The following MUCL3 variants were observed in gnomAD, a reference collection of about 807,000 sequenced individuals.
MUCL3 encodes mucin-like protein 3.
In MUCL3, 42 loss-of-function variants were observed where a neutral mutation model predicts 70.2. That is an observed-to-expected ratio of 0.60 (90% CI 0.47 to 0.77). MUCL3 has a LOEUF of 0.77. Among genes scored for constraint, MUCL3 ranks in the 30% least tolerant of loss-of-function variants. The probability of loss-of-function intolerance (pLI) is 0.00; values close to 1 mark genes in which losing one functional copy is unlikely to be tolerated. For missense variants in MUCL3, 1,429 were observed against 1,670.0 expected (o/e 0.86, Z 2.52); for synonymous variants, 522 against 647.0 (o/e 0.81, Z 2.93).
Position 30,952,407 on chromosome 6 carries a change from G to A in MUCL3, c.3943G>A (p.Gly1315Arg), listed in dbSNP as rs753273980. The A allele has an allele frequency of 2.5e-6, 4 of 1,614,064 alleles. No individual in the cohort carries two copies. The highest frequency in any genetic ancestry group is 3.4e-6 in the Non-Finnish European group (4 of 1,179,970). Residue 1315 changes from glycine (G) to arginine (R), a missense_variant, in exon 2 of 3, where the codon GGA (glycine) becomes AGA (arginine). By Grantham distance (125) the Gly-to-Arg change is moderately radical. Transcript: ENST00000462446. ...SQKGIHAGQMGENDSFPAWAI... is the reference protein window; with the variant it reads ...SQKGIHAGQMRENDSFPAWAI... ...GAAAGGTATCCACGCTGGACAGATG[G>A]GAGAGAATGATTCATTCCCTGCATG...
intron 2 of MUCL3, 91 bp downstream of exon 2, chr6:30,952,590 T>C (rs1760767054): frequency 7.2e-7 from 1 of 1,382,888 alleles, no homozygotes; most frequent in East Asian, 2.3e-5. Flanking sequence ...ATAATGAGTC[T>C]AGGAAAAGAG....
chr6:30,951,364 C>T lies in MUCL3; in HGVS notation c.2900C>T (p.Thr967Met), dbSNP rs11969476. The change falls in exon 2 of 3, where the codon ACG (threonine) becomes ATG (methionine). Residue 967 changes from threonine to methionine, a missense_variant. Physicochemically the swap from Thr to Met is moderately conservative, Grantham distance 81. Transcript: ENST00000462446. Reference protein sequence around the residue: ...SPAKPTEHGETTVNEDTTPSS... With the variant: ...SPAKPTEHGEMTVNEDTTPSS... ...GCAAAGCCTACAGAACATGGAGAAA[C>T]GACAGTCAATGAGGACACCACACCA... The T allele has an allele frequency of 7.8e-3, 11,905 of 1,534,764 alleles. 175 individuals are homozygous for T. Among genetic ancestry groups the T allele is most frequent in the African/African-American group, 0.067 (4,505 of 67,274 alleles).
chr6:30,946,829 T>G (rs971231649), intron 1 of MUCL3, among the ~76,000 whole-genome samples: 7 of 152,160 alleles, frequency 4.6e-5, no homozygotes, highest in African/African-American at 1.7e-4. Flanking sequence ...GAAGATTACT[T>G]AACCACTCAG....
Position 30,953,113 on chromosome 6 carries a change from G to T in MUCL3, c.4178G>T (p.Arg1393Leu). 1 of 1,613,836 alleles carries T rather than the reference G, an allele frequency of 6.2e-7. No homozygotes were observed. Among genetic ancestry groups the T allele is most frequent in the African/African-American group, 1.3e-5 (1 of 75,038 alleles). ...GGCATGGGCCAGATCCCTTCCCCAC[G>T]GTGATCTTGGAGTAGGCGCCCAGCC... ...NLGMGQIPSPR is the reference protein window; with the variant it reads ...NLGMGQIPSPL The change falls in exon 3 of 3, where the codon CGG becomes CTG. Residue 1393 changes from arginine (R) to leucine (L), a missense_variant. By Grantham distance (102) the Arg-to-Leu change is moderately radical. Coordinates refer to ENST00000462446, the MANE Select transcript of MUCL3 (RefSeq NM_080870.4).
rs372851947 is a variant in MUCL3, at chr6:30,951,429, C to T, written c.2965C>T (p.Leu989=). The stretch of plus-strand genomic sequence containing the variant: ...TACAGAAAATGGAGAAAGGACCCCA[C>T]TGGCCAATGAGAACACCACAACATC... ...EPTENGERTP[L]ANENTTTSPT... Residue 989 remains leucine (L), a synonymous_variant, in exon 2 of 3, where the codon CTG becomes TTG. Coordinates refer to ENST00000462446, the MANE Select transcript of MUCL3 (RefSeq NM_080870.4). 1.2e-4 allele frequency: 182 copies of T among 1,545,988 alleles called. No homozygotes were observed. The highest frequency in any genetic ancestry group is 1.5e-4 in the Non-Finnish European group (169 of 1,146,008).
intron 1 of MUCL3, 92 bp downstream of exon 1, chr6:30,941,173 C>G: frequency 6.9e-7 from 1 of 1,439,834 alleles, no homozygotes; most frequent in South Asian, 1.3e-5. Flanking sequence ...ATGAAGGGGG[C>G]GGGCACGGGG....
Position 30,951,145 on chromosome 6 carries a change from C to A in MUCL3, c.2681C>A (p.Thr894Lys). ...EMTPLANEKT[T>K]LSPAEPTENG... is the part of the protein sequence containing the mutation. ...ACCCCATTGGCCAATGAGAAGACCA[C>A]ACTATCCCCAGCAGAGCCTACAGAA... is the stretch of plus-strand genomic sequence containing the variant. The change falls in exon 2 of 3, where the codon ACA becomes AAA. Residue 894 changes from threonine to lysine, a missense_variant. Transcript: ENST00000462446. 1.3e-6 allele frequency: 2 copies of A among 1,551,558 alleles called. No homozygotes were observed. The highest frequency in any genetic ancestry group is 1.7e-6 in the Non-Finnish European group (2 of 1,146,994).
chr6:30,950,045 A>T lies in MUCL3; in HGVS notation c.1581A>T (p.Pro527=). 1 of 1,541,490 alleles carries T rather than the reference A, an allele frequency of 6.5e-7. No homozygotes were observed. The highest frequency in any genetic ancestry group is 8.7e-7 in the Non-Finnish European group (1 of 1,143,630). Residue 527 remains proline (P), a synonymous_variant, in exon 2 of 3, where the codon CCA becomes CCT. Transcript: ENST00000462446. ...AEPTEHGERT[P]LANENTTPSP... ...CTACAGAACACGGAGAAAGGACCCC[A>T]CTGGCCAATGAGAACACCACACCAT...
In MUCL3 at chr6:30,948,793, G is replaced by A. The variant is rs889272507; in HGVS notation, c.329G>A (p.Ser110Asn). 2 of 1,551,458 alleles carry A rather than the reference G, an allele frequency of 1.3e-6. No individual in the cohort carries two copies. Residue 110 changes from serine (S) to asparagine (N), a missense_variant, in exon 2 of 3, where the codon AGC (serine) becomes AAC (asparagine). Transcript: ENST00000462446. ...TGNSKTIDHK[S>N]STDNHEAPPT... is the part of the protein sequence containing the mutation. ...AACTCCAAAACTATAGACCACAAAAGCTCTACAGATAATCATGAGGCTCCT... is the reference window on the plus strand; with the variant it reads ...AACTCCAAAACTATAGACCACAAAAACTCTACAGATAATCATGAGGCTCCT...
Position 30,950,960 on chromosome 6 carries a change from G to C in MUCL3, c.2496G>C (p.Glu832Asp). The C allele has an allele frequency of 6.5e-7, 1 of 1,547,064 alleles. No individual in the cohort carries two copies. Among genetic ancestry groups the C allele is most frequent in the Non-Finnish European group, 8.7e-7 (1 of 1,146,330 alleles). ...AAAATAGAGAAAGGACAGCCAATGA[G>C]AAGACCACACAATTCCCAGCAGAGC... ...PTENRERTAN[E>D]KTTQFPAEPT... Residue 832 changes from glutamate (E) to aspartate (D), a missense_variant, in exon 2 of 3, where the codon GAG becomes GAC. Glu to Asp is a conservative substitution (Grantham distance 45). Coordinates refer to ENST00000462446, the MANE Select transcript of MUCL3 (RefSeq NM_080870.4).
chr6:30,949,960 C>G lies in MUCL3; in HGVS notation c.1496C>G (p.Thr499Arg), dbSNP rs1475434601. 2.6e-6 allele frequency: 4 copies of G among 1,550,786 alleles called. No homozygotes were observed. Among genetic ancestry groups the G allele is most frequent in the Non-Finnish European group, 3.5e-6 (4 of 1,146,882 alleles). Reference protein sequence around the residue: ...EKTTPSPAEPTENGQRTPFAN... With the variant: ...EKTTPSPAEPRENGQRTPFAN... ...ACCACACCATCCCCAGCAGAGCCTA[C>G]AGAAAATGGACAAAGGACCCCATTT... Residue 499 changes from threonine (T) to arginine (R), a missense_variant, in exon 2 of 3, where the codon ACA (threonine) becomes AGA (arginine). Coordinates refer to ENST00000462446, the MANE Select transcript of MUCL3 (RefSeq NM_080870.4).
chr6:30,951,698 A>G lies in MUCL3; in HGVS notation c.3234A>G (p.Leu1078=), dbSNP rs765510411. 4.5e-6 allele frequency: 7 copies of G among 1,552,114 alleles called. No homozygotes were observed. Among genetic ancestry groups the G allele is most frequent in the Non-Finnish European group, 5.2e-6 (6 of 1,147,124 alleles). The change falls in exon 2 of 3, where the codon CTA becomes CTG. Residue 1078 remains leucine, a synonymous_variant. Coordinates refer to ENST00000462446, the MANE Select transcript of MUCL3 (RefSeq NM_080870.4). ...CATTGGCCAATGAGAAGATCACACTATCCCCAGAAGGGCCTACAGAACATG... is the reference window on the plus strand; with the variant it reads ...CATTGGCCAATGAGAAGATCACACTGTCCCCAGAAGGGCCTACAGAACATG... ...KTTLANEKIT[L]SPEGPTEHGA...
chr6:30,949,322 A>G lies in MUCL3; in HGVS notation c.858A>G (p.Thr286=). 1 of 1,551,826 alleles carries G rather than the reference A, an allele frequency of 6.4e-7. No homozygotes were observed. Among genetic ancestry groups the G allele is most frequent in the Non-Finnish European group, 8.7e-7 (1 of 1,147,026 alleles). ...NELTQSLAEP[T]EHGGRTANEN... The stretch of plus-strand genomic sequence containing the variant: ...TCACACAATCTCTAGCAGAGCCTAC[A>G]GAACATGGAGGAAGGACAGCCAATG... The change falls in exon 2 of 3, where the codon ACA becomes ACG. Residue 286 remains threonine, a synonymous_variant. Transcript: ENST00000462446.
intron 1 of MUCL3, among the ~76,000 whole-genome samples, chr6:30,945,155 G>A (rs994953713): frequency 1.3e-5 from 2 of 152,196 alleles, no homozygotes; most frequent in African/African-American, 4.8e-5. Flanking sequence ...GCCTGTGGAG[G>A]TCACAAATAC....
intron 1 of MUCL3, among the ~76,000 whole-genome samples, chr6:30,941,294 G>A (rs1405333734): frequency 6.6e-6 from 1 of 152,102 alleles, no homozygotes; most frequent in Non-Finnish European, 1.5e-5. Context: ...ATGGCTCACA[G>A]GGCTGCACCC....
chr6:30,951,832 CA>C lies in MUCL3; in HGVS notation c.3369del (p.Glu1124SerfsTer14). On this transcript the variant is annotated frameshift_variant, in exon 2 of 3. Coordinates refer to ENST00000462446, the MANE Select transcript of MUCL3 (RefSeq NM_080870.4). LOFTEE classifies it high-confidence loss of function. ...AATGACAAGATCACCTCATCTGCAG[CA>C]GAGTCTACAGAACATAGAGATAGGG... The part of the protein sequence containing the change: ...SPNDKITSSA[A>X]ESTEHRDRAT... 1.3e-6 allele frequency: 2 copies of C among 1,586,490 alleles called. No homozygotes were observed. Among genetic ancestry groups the C allele is most frequent in the Non-Finnish European group, 1.7e-6 (2 of 1,167,450 alleles).
rs974639510 is a variant in MUCL3 at position 30,951,674 on chromosome 6, A to C, written c.3210A>C (p.Thr1070=). Reference sequence around the variant, plus strand: ...CTACAGAACATGGAGAAAAGACTACATTGGCCAATGAGAAGATCACACTAT... The same window carrying C: ...CTACAGAACATGGAGAAAAGACTACCTTGGCCAATGAGAAGATCACACTAT... The part of the protein sequence containing the change: ...VKPTEHGEKT[T]LANEKITLSP... Residue 1070 remains threonine (T), a synonymous_variant, in exon 2 of 3, where the codon ACA becomes ACC. Transcript: ENST00000462446. 7.7e-6 allele frequency: 12 copies of C among 1,552,202 alleles called. No homozygotes were observed. Among genetic ancestry groups the C allele is most frequent in the Middle Eastern group, 1.7e-4 (1 of 5,998 alleles).
rs748218735 is a variant in MUCL3 at position 30,952,200 on chromosome 6, G to A, written c.3736G>A (p.Val1246Ile). 1.2e-6 allele frequency: 2 copies of A among 1,614,002 alleles called. No homozygotes were observed. Among genetic ancestry groups the A allele is most frequent in the East Asian group, 4.5e-5 (2 of 44,870 alleles). The change falls in exon 2 of 3, where the codon GTC becomes ATC. Residue 1246 changes from valine to isoleucine, a missense_variant. Val to Ile is a conservative substitution (Grantham distance 29). Transcript: ENST00000462446. ...AGTCACAAAGACTATAAAACCTTCA[G>A]TCAAGGTCACAGGAGACAAATCTCT... ...AAVTKTIKPS[V>I]KVTGDKSLTT...
At chr6:30,946,133 G>A (rs41268848) in intron 1 of MUCL3, 7,732 of 152,352 alleles carry the variant, frequency 0.051, 242 homozygotes, top group Non-Finnish European at 0.076. Flanking sequence ...GAGCAGGCAG[G>A]GGGGTAGGGC....
Sources: allele counts gnomAD v4.1 joint callset (sites outside exome capture counted in the v4.1 genomes callset), GRCh38; gene constraint gnomAD v4.1.1; transcripts MANE v1.5; gene names NCBI Gene and HGNC (gene_info 2026-07-23, HGNC 2026-07-21).